Variants in CHST15 observed in about 807,000 individuals in gnomAD.
The protein encoded by CHST15 is B cell RAG associated protein (GALNAC4S-6ST).
In CHST15, 30 loss-of-function variants were observed where a neutral mutation model predicts 53.6. The observed-to-expected ratio is 0.56, with a 90% CI of 0.42 to 0.76. The LOEUF (loss-of-function observed/expected upper bound fraction) is 0.76. CHST15 is among the 30% of genes least tolerant of loss of function. The pLI is 0.00. For missense variants in CHST15, 627 were observed against 740.5 expected, an observed-to-expected ratio of 0.85 and a Z score of 1.78; for synonymous variants, 296 against 289.8, an observed-to-expected ratio of 1.02 and a Z score of -0.22.
intron 5 of CHST15, among the ~76,000 whole-genome samples, chr10:124,028,237 G>A (rs1375637679): frequency 2.6e-5 from 4 of 152,182 alleles, no homozygotes; most frequent in South Asian, 4.1e-4. Context: ...AACACACTGC[G>A]GGATCTTGTA....
rs1049979876 is a variant in CHST15, at chr10:124,075,553, C to T, written c.-513+17916G>A. 2.6e-5 allele frequency among the ~76,000 whole-genome samples: 4 copies of T among 152,296 alleles called. 1 individual carries two copies. Among genetic ancestry groups the T allele is most frequent in the African/African-American group, 9.6e-5 (4 of 41,560 alleles). ...GTGGTGCACAGTCTCTCCCCCAAGA[C>T]GCTGCTCGGAAGAGATCTGACTTGG... On this transcript the variant is annotated intron_variant, in intron 1 of 7. Transcript: ENST00000435907.
intron 2 of CHST15, 72 bp downstream of exon 2, chr10:124,045,595 A>T: frequency 7.2e-7 from 1 of 1,391,906 alleles, no homozygotes; most frequent in Non-Finnish European, 9.8e-7. Context: ...GTTCCCAAAG[A>T]TGGTGATAGA....
chr10:124,083,583 C>G (rs1163224028), intron 1 of CHST15, among the ~76,000 whole-genome samples: 1 of 152,178 alleles, frequency 6.6e-6, no homozygotes, highest in African/African-American at 2.4e-5. Flanking sequence ...TACATCTCCT[C>G]ATATCTAATT....
intron 6 of CHST15, among the ~76,000 whole-genome samples, chr10:124,014,789 A>T (rs1447281438): frequency 6.6e-6 from 1 of 152,202 alleles, no homozygotes; most frequent in Non-Finnish European, 1.5e-5. Flanking sequence ...GAGCAGCTGT[A>T]GTCTGTCCGA....
intron 1 of CHST15, among the ~76,000 whole-genome samples, chr10:124,057,163 C>T (rs1217759912): frequency 6.6e-6 from 1 of 152,174 alleles, no homozygotes; most frequent in Non-Finnish European, 1.5e-5. Flanking sequence ...TCTGTTTCTC[C>T]GTATATAAGA....
intron 1 of CHST15, among the ~76,000 whole-genome samples, chr10:124,060,432 G>T (rs1277047018): frequency 6.8e-6 from 1 of 148,074 alleles, no homozygotes; most frequent in Admixed American, 6.7e-5. Context: ...CCCACCAGGG[G>T]TGTGTGGAGG....
chr10:124,090,337 T>G (rs545456942), intron 1 of CHST15, among the ~76,000 whole-genome samples: 2 of 152,344 alleles, frequency 1.3e-5, no homozygotes, highest in Admixed American at 1.3e-4. Context: ...GATGGGCATG[T>G]GCTCACCTGT....
At chr10:124,061,846 G>A (rs370146085) in intron 1 of CHST15, among the ~76,000 whole-genome samples, 1 of 152,016 alleles carries the variant, frequency 6.6e-6, no homozygotes, top group Non-Finnish European at 1.5e-5. Context: ...AGGTGAAATA[G>A]GGAATTGAAA....
intron 1 of CHST15, among the ~76,000 whole-genome samples, chr10:124,059,906 A>T (rs1948504298): frequency 6.6e-6 from 1 of 152,182 alleles, no homozygotes; most frequent in African/African-American, 2.4e-5. Context: ...CAACCCAAAT[A>T]AATGGCGAGG....
At chr10:124,084,042 C>T (rs1949336895) in intron 1 of CHST15, among the ~76,000 whole-genome samples, 2 of 152,216 alleles carry the variant, frequency 1.3e-5, no homozygotes, top group African/African-American at 4.8e-5. Context: ...AGATGTCAGA[C>T]ACTCTGAGGC....
intron 1 of CHST15, among the ~76,000 whole-genome samples, chr10:124,078,085 A>AC (rs1163423968): frequency 3.9e-5 from 6 of 152,142 alleles, no homozygotes; most frequent in Admixed American, 3.9e-4. Context: ...CACCAATAAA[A>AC]CCACCTGCAC....
At chr10:124,081,142 A>G (rs748319915) in intron 1 of CHST15, among the ~76,000 whole-genome samples, 1 of 152,264 alleles carries the variant, frequency 6.6e-6, no homozygotes, top group South Asian at 2.1e-4. Flanking sequence ...GAATCTGAAC[A>G]TGAAACTCAA....
At chr10:124,011,055 C>A (rs1163979271) in intron 7 of CHST15, 1 of 981,434 alleles carries the variant, frequency 1.0e-6, no homozygotes, top group Non-Finnish European at 1.2e-6. Flanking sequence ...TGAGGAGAGG[C>A]CCTGGAAAAG....
chr10:124,059,559 G>T (rs911334461), intron 1 of CHST15, among the ~76,000 whole-genome samples: 1 of 152,208 alleles, frequency 6.6e-6, no homozygotes, highest in African/African-American at 2.4e-5. Flanking sequence ...GAGTGAAAAG[G>T]CTGCAGGACA....
intron 1 of CHST15, among the ~76,000 whole-genome samples, chr10:124,088,080 G>A (rs927116143): frequency 3.3e-5 from 5 of 152,166 alleles, no homozygotes; most frequent in South Asian, 4.1e-4. Context: ...TAGGAGCTCC[G>A]GGGCTGAAGA....
chr10:124,013,049 G>A (rs895583096), intron 6 of CHST15, among the ~76,000 whole-genome samples: 11 of 152,164 alleles, frequency 7.2e-5, no homozygotes, highest in Non-Finnish European at 1.2e-4. Flanking sequence ...CCCATTTCCC[G>A]GGTCTTCACC....
rs1946316875 is a variant in CHST15, at chr10:124,007,986, G to T, written c.*2163C>A. ...AGAGGCAGCCGAAGTGCCCTCTGGA[G>T]AGAAAGGCCCCTGGAGGGAAAAACC... On this transcript the variant is annotated 3_prime_UTR_variant, in exon 8 of 8. Coordinates refer to ENST00000435907, the MANE Select transcript of CHST15 (RefSeq NM_001270764.2). The T allele has an allele frequency of 9.1e-7, 1 of 1,096,758 alleles. No individual in the cohort carries two copies. The highest frequency in any genetic ancestry group is 3.8e-5 in the East Asian group (1 of 26,584). 67.9% of individuals were successfully genotyped at this position (1,096,758 alleles called of 1,614,324 possible). A position where few individuals can be genotyped will look rare whatever the true frequency, so the allele number is the denominator to read the frequency against.
chr10:124,050,738 G>A (rs904625933), intron 1 of CHST15, among the ~76,000 whole-genome samples: 47 of 152,172 alleles, frequency 3.1e-4, no homozygotes, highest in Non-Finnish European at 6.6e-4. Flanking sequence ...CCAGTCACGT[G>A]GAGACCAGGG....
At chr10:124,011,942 A>AT (rs1283611280) in intron 7 of CHST15, 3 of 798,854 alleles carry the variant, frequency 3.8e-6, no homozygotes, top group African/African-American at 3.7e-5. Context: ...CTTTCCTTCC[A>AT]TGAAGCCTTC....
Sources: gnomAD v4.1 joint callset for allele counts (sites outside exome capture counted in the v4.1 genomes callset) on GRCh38, gnomAD v4.1.1 for gene constraint, MANE v1.5 for transcripts, NCBI Gene and HGNC (gene_info 2026-07-23, HGNC 2026-07-21) for gene names.